The following AUTS2 variants were observed in gnomAD, a reference collection of about 807,000 sequenced individuals.
The protein encoded by AUTS2 is activator of transcription and developmental regulator AUTS2, also known as autism susceptibility gene 2 protein.
Under a neutral mutation model 112.4 loss-of-function variants are expected in AUTS2, and 17 were observed. That is an observed-to-expected ratio of 0.15 (90% CI 0.10 to 0.23). The LOEUF (loss-of-function observed/expected upper bound fraction) is 0.23, where lower values mean the gene tolerates loss of function less well. Among genes scored for constraint, AUTS2 ranks in the 10% least tolerant of loss-of-function variants. The probability of loss-of-function intolerance (pLI) is 1.00; values close to 1 mark genes in which losing one functional copy is unlikely to be tolerated. For missense variants in AUTS2, 1,510 were observed against 1,701.6 expected (o/e 0.89, Z 1.98); for synonymous variants, 751 against 702.7 (o/e 1.07, Z -1.09).
chr7:70,303,430 G>GCACACACACA lies in AUTS2; in HGVS notation c.661-132321_661-132320insACACACACAC, dbSNP rs1171296742. 1.5e-3 allele frequency among the ~76,000 whole-genome samples: 170 copies of GCACACACACA among 109,942 alleles called. 1 individual carries two copies. Among genetic ancestry groups the GCACACACACA allele is most frequent in the African/African-American group, 5.6e-3 (155 of 27,556 alleles). 72.1% of individuals were successfully genotyped at this position (109,942 alleles called of 152,430 possible). Reference sequence around the variant, plus strand: ...TGTGCACGCACACACACACGCGCGCGCGCGCACATACACACACACACACAC... The same window carrying GCACACACACA: ...TGTGCACGCACACACACACGCGCGCGCACACACACACGCGCACATACACACACACACACAC... On this transcript the variant is annotated intron_variant, in intron 4 of 18. Transcript: ENST00000342771.
At chr7:70,639,787 A>C (rs1805718693) in intron 5 of AUTS2, among the ~76,000 whole-genome samples, 1 of 151,482 alleles carries the variant, frequency 6.6e-6, no homozygotes, top group South Asian at 2.1e-4. Context: ...TGAGGGGACT[A>C]TAAGGCCGAG....
intron 6 of AUTS2, among the ~76,000 whole-genome samples, chr7:70,714,150 T>G (rs1489628636): frequency 6.6e-6 from 1 of 152,200 alleles, no homozygotes; most frequent in African/African-American, 2.4e-5. Flanking sequence ...AATTGACACA[T>G]GAAAGTGAAT....
intron 1 of AUTS2, among the ~76,000 whole-genome samples, chr7:69,898,013 G>T (rs1794824383): frequency 6.6e-6 from 1 of 152,124 alleles, no homozygotes; most frequent in Non-Finnish European, 1.5e-5. Flanking sequence ...TGTACATTTA[G>T]ATAGTAAAAA....
intron 2 of AUTS2, among the ~76,000 whole-genome samples, chr7:70,040,943 A>G (rs1023607463): frequency 5.3e-5 from 8 of 152,360 alleles, no homozygotes; most frequent in Middle Eastern, 3.4e-3. Flanking sequence ...GTAGATATCT[A>G]TACTAACTTG....
Position 69,600,051 on chromosome 7 carries a change from G to GGGCT in AUTS2, c.309+91_309+94dup, listed in dbSNP as rs1792295035. Reference sequence around the variant, plus strand: ...TCTCCTGCCTCCCTCGCCGCGCTCCGGGCTGTCTGTCTGTCTGTCTGTCTG... The same window carrying GGGCT: ...TCTCCTGCCTCCCTCGCCGCGCTCCGGGCTGGCTGTCTGTCTGTCTGTCTGTCTG... On this transcript the variant is annotated intron_variant, in intron 1 of 18. Transcript: ENST00000342771. 5 of 1,325,786 alleles carry GGGCT rather than the reference G, an allele frequency of 3.8e-6. No homozygotes were observed. The South Asian group carries it at 3.8e-5, about 10-fold the overall frequency. The allele number at this position is 1,325,786 out of a possible 1,614,324, so 82.1% of individuals were successfully genotyped here.
At chr7:69,637,534 T>G (rs1794606141) in intron 1 of AUTS2, among the ~76,000 whole-genome samples, 1 of 152,236 alleles carries the variant, frequency 6.6e-6, no homozygotes, top group Non-Finnish European at 1.5e-5. Context: ...TTACTTATCT[T>G]GACTAATATG....
intron 2 of AUTS2, 40 bp from the exon 3 acceptor site, chr7:70,118,092 C>A: frequency 6.4e-7 from 1 of 1,565,776 alleles, no homozygotes; most frequent in Non-Finnish European, 8.6e-7. Flanking sequence ...AGAAGCAGAC[C>A]ACTAACTTTT....
intron 6 of AUTS2, among the ~76,000 whole-genome samples, chr7:70,744,895 T>A (rs537407040): frequency 6.6e-6 from 1 of 152,234 alleles, no homozygotes; most frequent in East Asian, 1.9e-4. Context: ...GACGGTTTCT[T>A]CCAGATCACC....
At chr7:70,187,231 C>A (rs553729343) in intron 4 of AUTS2, among the ~76,000 whole-genome samples, 34 of 152,250 alleles carry the variant, frequency 2.2e-4, no homozygotes, top group Non-Finnish European at 4.6e-4. Context: ...TCTGATCTTA[C>A]CGTGGTGGTC....
At chr7:69,973,844 T>C (rs887407448) in intron 2 of AUTS2, among the ~76,000 whole-genome samples, 3 of 152,296 alleles carry the variant, frequency 2.0e-5, no homozygotes, top group African/African-American at 7.2e-5. Flanking sequence ...ACTTATATTT[T>C]GTTAAGGACT....
rs184164174 is a variant in AUTS2, at chr7:69,934,954, T to C, written c.522+35456T>C. Among the ~76,000 whole-genome samples the C allele has an allele frequency of 4.6e-5, 7 of 152,340 alleles. No homozygotes were observed. The East Asian group carries it at 1.2e-3, about 25-fold the overall frequency. On this transcript the variant is annotated intron_variant, in intron 2 of 18. Transcript: ENST00000342771. ...ATTATGTGCATTACCTTTTGAGTTT[T>C]TGCCATTCCCGAAGGAAAAGTTACG...
intron 2 of AUTS2, among the ~76,000 whole-genome samples, chr7:70,105,306 G>C (rs1275769709): frequency 4.6e-5 from 7 of 152,072 alleles, no homozygotes; most frequent in African/African-American, 1.7e-4. Context: ...TGTCACCCAG[G>C]CTGGAGTGCA....
chr7:69,739,043 C>T (rs1483316574), intron 1 of AUTS2, among the ~76,000 whole-genome samples: 1 of 152,092 alleles, frequency 6.6e-6, no homozygotes, highest in Non-Finnish European at 1.5e-5. Context: ...TTATTAGGTT[C>T]TGGCCTAGGG....
intron 4 of AUTS2, among the ~76,000 whole-genome samples, chr7:70,320,874 C>T (rs1355210059): frequency 3.3e-5 from 5 of 152,152 alleles, no homozygotes; most frequent in Admixed American, 2.6e-4. Flanking sequence ...GGAGTCAGTG[C>T]AGTTGGACCA....
intron 2 of AUTS2, among the ~76,000 whole-genome samples, chr7:69,924,519 GTCTTT>G (rs919993051): frequency 1.5e-4 from 22 of 149,656 alleles, no homozygotes; most frequent in South Asian, 4.3e-4. Flanking sequence ...TATTTCTTTT[GTCTTT>G]TCTTTTCTTT....
intron 1 of AUTS2, among the ~76,000 whole-genome samples, chr7:69,727,458 T>G (rs1021602145): frequency 1.3e-5 from 2 of 151,970 alleles, no homozygotes; most frequent in Non-Finnish European, 2.9e-5. Flanking sequence ...GGTATGGTGG[T>G]GGGCACCTGT....
intron 3 of AUTS2, among the ~76,000 whole-genome samples, chr7:70,129,639 C>G (rs1371169738): frequency 6.6e-6 from 1 of 152,136 alleles, no homozygotes; most frequent in Admixed American, 6.5e-5. Flanking sequence ...GTAGTTCTTA[C>G]TTTAAAATGT....
chr7:69,911,159 C>T (rs757199561), intron 2 of AUTS2, among the ~76,000 whole-genome samples: 35 of 152,324 alleles, frequency 2.3e-4, no homozygotes, highest in East Asian at 1.9e-4. Context: ...CCTGCTGCTG[C>T]GGCAGGGTGG....
chr7:70,392,858 T>C (rs1457720187), intron 4 of AUTS2, among the ~76,000 whole-genome samples: 4 of 152,224 alleles, frequency 2.6e-5, no homozygotes, highest in Non-Finnish European at 5.9e-5. Flanking sequence ...GTTTTCAGCT[T>C]CCTGTTTTCT....
Sources: gnomAD v4.1 joint callset for allele counts (sites outside exome capture counted in the v4.1 genomes callset) on GRCh38, gnomAD v4.1.1 for gene constraint, MANE v1.5 for transcripts, NCBI Gene and HGNC (gene_info 2026-07-23, HGNC 2026-07-21) for gene names.